Variants in CCDC88A observed in about 807,000 individuals in gnomAD.
CCDC88A encodes the protein coiled-coil and HOOK domain protein 88A, also known as girdin.
A neutral mutation model predicts 234.3 loss-of-function variants in CCDC88A; 54 were observed. That is an observed-to-expected ratio of 0.23 (90% CI 0.19 to 0.29). The LOEUF is 0.29. CCDC88A is among the 10% of genes least tolerant of loss of function. CCDC88A has a pLI of 1.00. For synonymous variants in CCDC88A, 753 were observed against 737.8 expected (o/e 1.02, Z -0.33); for missense variants, 1,832 against 2,123.4 (o/e 0.86, Z 2.70).
At chr2:55,326,325 A>AT (rs1469934503) in intron 17 of CCDC88A, among the ~76,000 whole-genome samples, 1 of 151,362 alleles carries the variant, frequency 6.6e-6, no homozygotes, top group Non-Finnish European at 1.5e-5. Flanking sequence ...GCCTGGATTT[A>AT]TTTTTTTATG....
rs766314313 is a variant in CCDC88A at position 55,308,928 on chromosome 2, G to A, written c.4268C>T (p.Thr1423Ile). ...AAATCCTTCACTGGAGTCTGAGCGG[G>A]TGGGTGTTAATGTTAGAGATTTCTG... ...ERQKSLTLTP[T>I]RSDSSEGFLQ... The change falls in exon 25 of 33, where the codon ACC (threonine) becomes ATC (isoleucine). Residue 1423 changes from threonine to isoleucine, a missense_variant. Around this residue, in one of 6 missense-constraint regions of CCDC88A, gnomAD observed 1,282 missense variants for 1,543.6 expected, o/e 0.83. Transcript: ENST00000436346. 4 of 1,613,798 alleles carry A rather than the reference G, an allele frequency of 2.5e-6. No homozygotes were observed. The highest frequency in any genetic ancestry group is 2.2e-5 in the East Asian group (1 of 44,886).
intron 10 of CCDC88A, chr2:55,345,911 C>T (rs543081627): frequency 1.0e-4 from 26 of 259,746 alleles, no homozygotes; most frequent in African/African-American, 5.7e-4. Context: ...GGAAGGACTT[C>T]AAAGGTCTGC....
At chr2:55,341,053 A>C (rs1668405780) in intron 12 of CCDC88A, among the ~76,000 whole-genome samples, 1 of 151,648 alleles carries the variant, frequency 6.6e-6, no homozygotes, top group Non-Finnish European at 1.5e-5. Flanking sequence ...GAGATCATGC[A>C]CTATTGTCTT....
intron 15 of CCDC88A, 118 bp downstream of exon 15, chr2:55,333,976 T>C: frequency 2.4e-6 from 1 of 419,004 alleles, no homozygotes; most frequent in Non-Finnish European, 4.3e-6. Flanking sequence ...AATTCCAAAA[T>C]TCTACTGAAC....
At chr2:55,318,786 T>C (rs1265084485) in intron 19 of CCDC88A, 57 bp downstream of exon 19, 1 of 1,332,458 alleles carries the variant, frequency 7.5e-7, no homozygotes, top group Admixed American at 2.0e-5. Context: ...CCCTCCCTTA[T>C]TTTAATAGCA....
intron 3 of CCDC88A, among the ~76,000 whole-genome samples, chr2:55,375,469 C>CTATATATATATA (rs869279076): frequency 3.4e-4 from 9 of 26,572 alleles, no homozygotes; most frequent in South Asian, 1.0e-3. Flanking sequence ...TGTCACTGTA[C>CTATATATATATA]TATATATATA....
intron 17 of CCDC88A, among the ~76,000 whole-genome samples, chr2:55,325,996 T>C (rs999190788): frequency 7.3e-6 from 1 of 136,904 alleles, no homozygotes; most frequent in African/African-American, 2.7e-5. Flanking sequence ...AGATTTCTGA[T>C]AGGTAGCATA....
rs1673479813 is a variant in CCDC88A at position 55,375,466 on chromosome 2, GTA to G, written c.274-585_274-584del. ...CATCAAATTTATAAGTACTGTCACT[GTA>G]CTATATATATATATATATATATATA... On this transcript the variant is annotated intron_variant, in intron 3 of 32. Coordinates refer to ENST00000436346, the MANE Select transcript of CCDC88A (RefSeq NM_001365480.1). 5.8e-5 allele frequency among the ~76,000 whole-genome samples: 7 copies of G among 120,398 alleles called. No homozygotes were observed. The Admixed American group carries it at 6.5e-4, about 11-fold the overall frequency. The allele number at this position is 120,398 out of a possible 152,430, so 79.0% of individuals were successfully genotyped here.
chr2:55,336,696 TTC>T lies in CCDC88A; in HGVS notation c.1639_1640del (p.Glu547LysfsTer7). On this transcript the variant is annotated frameshift_variant, in exon 14 of 33. Transcript: ENST00000436346. LOFTEE classifies it high-confidence loss of function. ...ATGTATGAACCTGTCTCTCTGAATT[TTC>T]TCTCAGTGTTTCTATTGTTTTTTCA... is the stretch of plus-strand genomic sequence containing the variant. The part of the protein sequence containing the change: ...QLEKTIETLR[E>X]NSERQIKILE... 1 of 1,576,018 alleles carries T rather than the reference TTC, an allele frequency of 6.3e-7. No homozygotes were observed.
chr2:55,306,522 C>T (rs572579406), intron 25 of CCDC88A, among the ~76,000 whole-genome samples: 2 of 152,124 alleles, frequency 1.3e-5, no homozygotes, highest in South Asian at 2.1e-4. Context: ...TGACTTTTTA[C>T]GTTGCTTACC....
chr2:55,372,451 C>T lies in CCDC88A; in HGVS notation c.402+1G>A, dbSNP rs1558762398. The T allele has an allele frequency of 6.8e-7, 1 of 1,461,878 alleles. No homozygotes were observed. The highest frequency in any genetic ancestry group is 9.5e-7 in the Non-Finnish European group (1 of 1,053,774). 90.6% of individuals were successfully genotyped at this position (1,461,878 alleles called of 1,614,324 possible). On this transcript the variant is annotated splice_donor_variant, in intron 5 of 32. Coordinates refer to ENST00000436346, the MANE Select transcript of CCDC88A (RefSeq NM_001365480.1). LOFTEE classifies it high-confidence loss of function. ...AAATATGAAAAAATATTTTAACTTA[C>T]CTGAACTGCACAACCCAATAAAAGT...
At chr2:55,325,969 T>C (rs1684208885) in intron 17 of CCDC88A, among the ~76,000 whole-genome samples, 1 of 150,026 alleles carries the variant, frequency 6.7e-6, no homozygotes, top group East Asian at 2.0e-4. Flanking sequence ...GCTGGAATGA[T>C]ATATCATTTT....
intron 26 of CCDC88A, 78 bp downstream of exon 26, chr2:55,302,991 A>G: frequency 1.1e-6 from 1 of 921,020 alleles, no homozygotes. Context: ...GGCACAGTCC[A>G]GAGAAAGGTT....
chr2:55,354,837 G>A (rs1670356170), intron 8 of CCDC88A, among the ~76,000 whole-genome samples: 1 of 151,856 alleles, frequency 6.6e-6, no homozygotes, highest in African/African-American at 2.4e-5. Flanking sequence ...AAAGTGCTGG[G>A]ATTACTGGTG....
intron 2 of CCDC88A, among the ~76,000 whole-genome samples, chr2:55,411,092 A>G (rs192919596): frequency 2.0e-5 from 3 of 152,310 alleles, no homozygotes; most frequent in Non-Finnish European, 1.5e-5. Flanking sequence ...AAAAGCAGCC[A>G]GTTTACTAAT....
chr2:55,409,592 C>G (rs542767832), intron 2 of CCDC88A, among the ~76,000 whole-genome samples: 1 of 152,316 alleles, frequency 6.6e-6, no homozygotes, highest in African/African-American at 2.4e-5. Context: ...TTTGAATGAA[C>G]TAGCCCTTCA....
chr2:55,330,430 G>A (rs1191956976), intron 16 of CCDC88A, among the ~76,000 whole-genome samples: 1 of 151,998 alleles, frequency 6.6e-6, no homozygotes, highest in Non-Finnish European at 1.5e-5. Context: ...CCGAGATTGT[G>A]CCACTGCACT....
At chr2:55,404,011 C>T (rs1256593028) in intron 2 of CCDC88A, 1 of 152,212 alleles carries the variant, frequency 6.6e-6, no homozygotes, top group Non-Finnish European at 1.5e-5. Flanking sequence ...GATATACAGT[C>T]ACGTATTTCC....
intron 13 of CCDC88A, among the ~76,000 whole-genome samples, chr2:55,338,103 T>G (rs950474115): frequency 3.0e-4 from 45 of 152,260 alleles, no homozygotes; most frequent in Non-Finnish European, 5.9e-4. Context: ...TAATCAAAAA[T>G]TGCTTGAATC....
Sources: gnomAD v4.1 joint callset for allele counts (sites outside exome capture counted in the v4.1 genomes callset) on GRCh38, gnomAD v4.1.1 for gene constraint, gnomAD v4.1.1 regional missense constraint, MANE v1.5 for transcripts, NCBI Gene and HGNC (gene_info 2026-07-23, HGNC 2026-07-21) for gene names.